The following GPC6 variants were observed in gnomAD, a reference collection of about 807,000 sequenced individuals.
The protein encoded by GPC6 is glypican-6.
A neutral mutation model predicts 55.2 loss-of-function variants in GPC6; 14 were observed. The observed-to-expected ratio is 0.25, with a 90% CI of 0.17 to 0.40. The LOEUF (loss-of-function observed/expected upper bound fraction) is 0.40. Ranked by LOEUF, GPC6 falls within the 10% of genes least tolerant of loss-of-function variation. GPC6 has a pLI of 1.00. For missense variants in GPC6, 641 were observed against 708.5 expected (o/e 0.90, Z 1.08); for synonymous variants, 278 against 259.6 (o/e 1.07, Z -0.68).
intron 3 of GPC6, among the ~76,000 whole-genome samples, chr13:93,855,278 G>A (rs1288031233): frequency 2.0e-5 from 3 of 151,720 alleles, no homozygotes; most frequent in South Asian, 2.1e-4. Context: ...GAATTCTACA[G>A]TATGTAGCCT....
At chr13:93,971,366 A>G (rs902384945) in intron 3 of GPC6, among the ~76,000 whole-genome samples, 4 of 152,214 alleles carry the variant, frequency 2.6e-5, no homozygotes, top group Admixed American at 2.0e-4. Flanking sequence ...TCTTTTACCA[A>G]TCCAAAATAT....
chr13:93,594,452 A>T (rs74566548), intron 2 of GPC6, among the ~76,000 whole-genome samples: 2 of 152,212 alleles, frequency 1.3e-5, no homozygotes, highest in East Asian at 3.9e-4. Flanking sequence ...ATAATAGTAT[A>T]ACTCATTTTT....
intron 4 of GPC6, among the ~76,000 whole-genome samples, chr13:94,119,470 G>T (rs1302409449): frequency 6.8e-6 from 1 of 148,130 alleles, no homozygotes; most frequent in African/African-American, 2.7e-5. Flanking sequence ...GGCAGGGGTT[G>T]TGGGGGAATA....
chr13:93,310,151 A>G (rs1004754991), intron 1 of GPC6, among the ~76,000 whole-genome samples: 1 of 152,166 alleles, frequency 6.6e-6, no homozygotes, highest in Non-Finnish European at 1.5e-5. Context: ...TTTCTTGTAA[A>G]TGGTGATCTG....
At chr13:93,696,072 G>A (rs1420680427) in intron 2 of GPC6, among the ~76,000 whole-genome samples, 4 of 152,138 alleles carry the variant, frequency 2.6e-5, no homozygotes, top group Admixed American at 6.5e-5. Flanking sequence ...TTTTTGAAAT[G>A]TATTCCCAAA....
intron 4 of GPC6, among the ~76,000 whole-genome samples, chr13:94,165,860 C>CTAT (rs1421268358): frequency 1.3e-5 from 2 of 152,036 alleles, no homozygotes; most frequent in Non-Finnish European, 2.9e-5. Flanking sequence ...AAATCATCTT[C>CTAT]TATTCTTATT....
At chr13:93,357,812 G>A (rs2139173083) in intron 1 of GPC6, among the ~76,000 whole-genome samples, 1 of 152,286 alleles carries the variant, frequency 6.6e-6, no homozygotes, top group African/African-American at 2.4e-5. Flanking sequence ...TCCAGCCTGG[G>A]CAACAGCCTG....
chr13:94,033,318 G>A (rs879704244), intron 4 of GPC6, among the ~76,000 whole-genome samples: 7 of 152,300 alleles, frequency 4.6e-5, no homozygotes, highest in South Asian at 4.1e-4. Flanking sequence ...CAGCCACAAG[G>A]AAGCTGTGTT....
In GPC6 at chr13:93,630,094, A is replaced by G. The variant is rs911998329; in HGVS notation, c.319+84673A>G. Among the ~76,000 whole-genome samples, 16 of 152,350 alleles carry G rather than the reference A, an allele frequency of 1.1e-4. No homozygotes were observed. In the South Asian group the frequency reaches 1.9e-3, roughly 18 times the overall value. On this transcript the variant is annotated intron_variant, in intron 2 of 8. Coordinates refer to ENST00000377047, the MANE Select transcript of GPC6 (RefSeq NM_005708.5). The stretch of plus-strand genomic sequence containing the variant: ...AGAAAAAAAGTTAGGTGTTACTATC[A>G]TTACTATATGTCCAGAACTTACTGG...
intron 2 of GPC6, among the ~76,000 whole-genome samples, chr13:93,764,040 A>G (rs986864144): frequency 1.3e-5 from 2 of 152,056 alleles, no homozygotes; most frequent in Admixed American, 1.3e-4. Flanking sequence ...GAATTCCTCA[A>G]TAGGTACCTC....
At chr13:93,564,468 A>G (rs1875984440) in intron 2 of GPC6, among the ~76,000 whole-genome samples, 1 of 152,170 alleles carries the variant, frequency 6.6e-6, no homozygotes, top group Non-Finnish European at 1.5e-5. Flanking sequence ...ACCTATTAAA[A>G]TATTTTAAAG....
intron 4 of GPC6, among the ~76,000 whole-genome samples, chr13:94,110,062 T>TAAAAAAAAAAAAA (rs78404632): frequency 2.1e-4 from 18 of 84,556 alleles, no homozygotes; most frequent in South Asian, 4.1e-4. Flanking sequence ...CACCCTGGAC[T>TAAAAAAAAAAAAA]AAAAAAAAAA....
intron 2 of GPC6, among the ~76,000 whole-genome samples, chr13:93,694,450 A>G (rs898955772): frequency 4.6e-5 from 7 of 152,212 alleles, no homozygotes; most frequent in African/African-American, 9.7e-5. Context: ...CCACAAAAAC[A>G]TATTTTAAAA....
chr13:93,505,962 T>C (rs779834953), intron 1 of GPC6, among the ~76,000 whole-genome samples: 5 of 152,216 alleles, frequency 3.3e-5, no homozygotes, highest in African/African-American at 4.8e-5. Flanking sequence ...TTATTCCCAT[T>C]CCTAAGATTT....
intron 1 of GPC6, among the ~76,000 whole-genome samples, chr13:93,469,763 T>C (rs1005863395): frequency 4.6e-5 from 7 of 152,154 alleles, no homozygotes; most frequent in Admixed American, 2.0e-4. Context: ...GTTAAAACTT[T>C]TGTAGAAAGT....
chr13:94,094,592 T>A (rs999770986), intron 4 of GPC6, among the ~76,000 whole-genome samples: 3 of 152,140 alleles, frequency 2.0e-5, no homozygotes, highest in Non-Finnish European at 4.4e-5. Flanking sequence ...TGCCTCAATA[T>A]ATGAACACTG....
chr13:93,906,514 A>T (rs1044408307), intron 3 of GPC6, among the ~76,000 whole-genome samples: 1 of 152,212 alleles, frequency 6.6e-6, no homozygotes, highest in African/African-American at 2.4e-5. Flanking sequence ...CACTAAGATT[A>T]TCATTATACA....
chr13:93,965,180 T>C (rs1879983993), intron 3 of GPC6, among the ~76,000 whole-genome samples: 1 of 138,174 alleles, frequency 7.2e-6, no homozygotes, highest in Non-Finnish European at 1.5e-5. Flanking sequence ...GGGAGGCTGA[T>C]GCGGGCAGAT....
chr13:93,644,056 A>G (rs900490141), intron 2 of GPC6, among the ~76,000 whole-genome samples: 1 of 152,070 alleles, frequency 6.6e-6, no homozygotes, highest in African/African-American at 2.4e-5. Context: ...ATCAGCTTGT[A>G]AGTATGGAAT....
Sources: allele counts gnomAD v4.1 joint callset (sites outside exome capture counted in the v4.1 genomes callset), GRCh38; gene constraint gnomAD v4.1.1; transcripts MANE v1.5; gene names NCBI Gene and HGNC (gene_info 2026-07-23, HGNC 2026-07-21).